The following KCNMA1 variants were observed in gnomAD, a reference collection of about 807,000 sequenced individuals.
KCNMA1 encodes Calcium-activated potassium channel subunit alpha-1.
Under a neutral mutation model 140.0 loss-of-function variants are expected in KCNMA1, and 29 were observed. The ratio of observed to expected loss-of-function variants is 0.21; its 90% confidence interval spans 0.15 to 0.28. KCNMA1 has a LOEUF of 0.28. Ranked by LOEUF, KCNMA1 falls within the 10% of genes least tolerant of loss-of-function variation. The pLI, the probability that KCNMA1 is intolerant of heterozygous loss-of-function variation, is 1.00. For missense variants in KCNMA1, 880 were observed against 1,602.2 expected, an observed-to-expected ratio of 0.55 and a Z score of 7.70; for synonymous variants, 612 against 611.9, an observed-to-expected ratio of 1.00 and a Z score of 0.00.
intron 5 of KCNMA1, among the ~76,000 whole-genome samples, chr10:77,136,873 G>T (rs1020695942): frequency 6.6e-6 from 1 of 152,126 alleles, no homozygotes; most frequent in South Asian, 2.1e-4. Flanking sequence ...TCCTGGCTCC[G>T]AGCCCTGTAC....
At chr10:76,905,538 C>G (rs144912668) in intron 25 of KCNMA1, among the ~76,000 whole-genome samples, 1 of 152,218 alleles carries the variant, frequency 6.6e-6, no homozygotes, top group Non-Finnish European at 1.5e-5. Flanking sequence ...CTACCACATT[C>G]CAACCATAAT....
At chr10:77,564,661 A>T (rs2067542926) in intron 1 of KCNMA1, among the ~76,000 whole-genome samples, 1 of 152,204 alleles carries the variant, frequency 6.6e-6, no homozygotes, top group Non-Finnish European at 1.5e-5. Flanking sequence ...CTTTGAGGGC[A>T]GGTGACATGT....
At chr10:77,268,380 C>G (rs988648929) in intron 2 of KCNMA1, among the ~76,000 whole-genome samples, 29 of 152,142 alleles carry the variant, frequency 1.9e-4, no homozygotes, top group African/African-American at 6.3e-4. Context: ...ATAGGAGATT[C>G]TCCGAGAGAA....
At chr10:77,287,415 G>A (rs185903254) in intron 2 of KCNMA1, among the ~76,000 whole-genome samples, 112 of 152,264 alleles carry the variant, frequency 7.4e-4, no homozygotes, top group Admixed American at 1.8e-3. Context: ...TCTCCTTCCT[G>A]TTGCATTCAC....
rs2066428149 is a variant in KCNMA1 at position 76,951,960 on chromosome 10, G to A, written c.2484+1841C>T. ...TTGCATCTCCAGTAACTAGAATGGT[G>A]TGTGGCACATAGTAGGCCTCCTGGA... On this transcript the variant is annotated intron_variant, in intron 21 of 27. Coordinates refer to ENST00000286628, the MANE Select transcript of KCNMA1 (RefSeq NM_001161352.2). 5 of 1,331,628 alleles carry A rather than the reference G, an allele frequency of 3.8e-6. No individual in the cohort carries two copies. The South Asian group carries it at 5.1e-5, about 14-fold the overall frequency. 82.5% of individuals were successfully genotyped at this position (1,331,628 alleles called of 1,614,324 possible).
intron 5 of KCNMA1, among the ~76,000 whole-genome samples, chr10:77,182,100 TA>T (rs1320810881): frequency 6.6e-6 from 1 of 152,178 alleles, no homozygotes; most frequent in Non-Finnish European, 1.5e-5. Context: ...CAACATTTTT[TA>T]AGTTATCCAT....
At chr10:77,444,613 C>A (rs1215890845) in intron 1 of KCNMA1, among the ~76,000 whole-genome samples, 2 of 152,158 alleles carry the variant, frequency 1.3e-5, no homozygotes, top group Non-Finnish European at 2.9e-5. Context: ...ATGCCATATG[C>A]CTCTCTTGTC....
intron 1 of KCNMA1, among the ~76,000 whole-genome samples, chr10:77,553,165 A>T (rs1384373739): frequency 1.3e-5 from 2 of 152,276 alleles, no homozygotes; most frequent in Non-Finnish European, 2.9e-5. Context: ...TGAAATAACA[A>T]AGCTGATATT....
chr10:77,467,594 T>G (rs1483327740), intron 1 of KCNMA1, among the ~76,000 whole-genome samples: 1 of 152,242 alleles, frequency 6.6e-6, no homozygotes, highest in Non-Finnish European at 1.5e-5. Flanking sequence ...GGCCATAGCC[T>G]TTTCCACCAG....
Position 76,936,793 on chromosome 10 carries a change from G to A in KCNMA1, c.2902+7980C>T, listed in dbSNP as rs1242573365. On this transcript the variant is annotated intron_variant, in intron 23 of 27. Transcript: ENST00000286628. ...GTGGTGTGGAAGTTGAAGATGGGGT[G>A]GTCTGTCCAATTAATGGAAAAGCCA... 3.3e-5 allele frequency among the ~76,000 whole-genome samples: 5 copies of A among 152,016 alleles called. 1 individual carries two copies. The highest frequency in any genetic ancestry group is 1.2e-4 in the African/African-American group (5 of 41,394).
chr10:77,229,600 T>C (rs1332807226), intron 3 of KCNMA1, among the ~76,000 whole-genome samples: 1 of 152,154 alleles, frequency 6.6e-6, no homozygotes, highest in Admixed American at 6.5e-5. Context: ...AAGGCTACCT[T>C]CCTGGGAAGA....
At chr10:77,470,966 G>A (rs2098134954) in intron 1 of KCNMA1, among the ~76,000 whole-genome samples, 1 of 152,042 alleles carries the variant, frequency 6.6e-6, no homozygotes, top group East Asian at 1.9e-4. Context: ...AGGCAGCCCG[G>A]CTCATCCAAT....
chr10:77,215,786 A>G (rs1396556633), intron 3 of KCNMA1, among the ~76,000 whole-genome samples: 3 of 152,140 alleles, frequency 2.0e-5, no homozygotes, highest in African/African-American at 7.2e-5. Context: ...AGGTCTAATG[A>G]GGTCATCATA....
At chr10:77,419,875 C>T (rs1189564146) in intron 1 of KCNMA1, among the ~76,000 whole-genome samples, 1 of 152,016 alleles carries the variant, frequency 6.6e-6, no homozygotes, top group Non-Finnish European at 1.5e-5. Flanking sequence ...TCCCAGTGGC[C>T]AAAGCACCAA....
At chr10:77,480,485 G>A (rs1225117275) in intron 1 of KCNMA1, among the ~76,000 whole-genome samples, 2 of 152,174 alleles carry the variant, frequency 1.3e-5, no homozygotes, top group East Asian at 1.9e-4. Flanking sequence ...ACAGGGACAC[G>A]TTTACTTTTA....
rs1031665532 is a variant in KCNMA1 at position 77,025,500 on chromosome 10, T to C, written c.1928+2323A>G. On this transcript the variant is annotated intron_variant, in intron 16 of 27. Coordinates refer to ENST00000286628, the MANE Select transcript of KCNMA1 (RefSeq NM_001161352.2). ...AAGAATTTAAAATCAAACAATTTGA[T>C]AATAAATCGACTGACACCAGAAGGA... 5 of 1,526,350 alleles carry C rather than the reference T, an allele frequency of 3.3e-6. No homozygotes were observed. In the African/African-American group the frequency reaches 4.1e-5, roughly 13 times the overall value. 94.6% of individuals were successfully genotyped at this position (1,526,350 alleles called of 1,614,324 possible).
chr10:77,591,087 A>G (rs1291553799), intron 1 of KCNMA1, among the ~76,000 whole-genome samples: 3 of 152,188 alleles, frequency 2.0e-5, no homozygotes, highest in Non-Finnish European at 4.4e-5. Flanking sequence ...CAGGCTGTGC[A>G]GCGCAGGCCA....
At chr10:76,938,047 C>T (rs748026948) in intron 23 of KCNMA1, among the ~76,000 whole-genome samples, 6 of 152,026 alleles carry the variant, frequency 3.9e-5, no homozygotes, top group Admixed American at 6.6e-5. Context: ...GGGACAGGCT[C>T]AGCTTTTGGT....
intron 3 of KCNMA1, among the ~76,000 whole-genome samples, chr10:77,239,649 A>T (rs2056721022): frequency 6.6e-6 from 1 of 152,212 alleles, no homozygotes; most frequent in Admixed American, 6.5e-5. Flanking sequence ...TAATAGGGCC[A>T]TCTACTTCCT....
Sources: allele counts gnomAD v4.1 joint callset (sites outside exome capture counted in the v4.1 genomes callset), GRCh38; gene constraint gnomAD v4.1.1; transcripts MANE v1.5; gene names NCBI Gene and HGNC (gene_info 2026-07-23, HGNC 2026-07-21).